The following ADSL variants were observed in gnomAD, a reference collection of about 807,000 sequenced individuals.
The protein encoded by ADSL is adenylosuccinate lyase, also known as adenylosuccinase.
Under a neutral mutation model 62.1 loss-of-function variants are expected in ADSL, and 44 were observed. The observed-to-expected ratio is 0.71, with a 90% CI of 0.56 to 0.91. ADSL has a LOEUF of 0.91. ADSL is among the 40% of genes least tolerant of loss of function. The pLI is 0.00. For missense variants in ADSL, 531 were observed against 627.4 expected, an observed-to-expected ratio of 0.85 and a Z score of 1.64; for synonymous variants, 198 against 220.5, an observed-to-expected ratio of 0.90 and a Z score of 0.90.
At position 40,369,294 on chromosome 22, in the gene ADSL, C is replaced by T. The variant is rs2045112787; in HGVS notation, c.*2772C>T. ...CTCTTGTCTTCTTTCCTTTTCCATT[C>T]TCCTTTATTTTTGTATTTACATACT... On this transcript the variant is annotated 3_prime_UTR_variant, in exon 13 of 13. Transcript: ENST00000623063. 6.6e-6 allele frequency: 1 copy of T among 151,874 alleles called. No individual in the cohort carries two copies. Among genetic ancestry groups the T allele is most frequent in the Admixed American group, 6.6e-5 (1 of 15,220 alleles). 9.4% of individuals were successfully genotyped at this position (151,874 alleles called of 1,614,324 possible).
At chr22:40,373,170 A>G (rs367915009), downstream of ADSL, among the ~76,000 whole-genome samples, 5 of 152,314 alleles carry the variant, frequency 3.3e-5, no homozygotes, top group African/African-American at 1.2e-4. Context: ...GGTCACTGTA[A>G]GTGACAGGGC....
intron 2 of ADSL, among the ~76,000 whole-genome samples, chr22:40,351,713 T>G (rs1424853585): frequency 6.6e-6 from 1 of 152,102 alleles, no homozygotes; most frequent in East Asian, 1.9e-4. Context: ...CTCAAATGCT[T>G]TCTTATTTTT....
intron 11 of ADSL, 178 bp from the exon 12 acceptor site, chr22:40,364,702 A>T (rs1018691390): frequency 4.3e-5 from 30 of 695,730 alleles, no homozygotes; most frequent in Non-Finnish European, 7.5e-5. Flanking sequence ...GCTTGTCCTA[A>T]GATGTGGGCA....
chr22:40,363,145 G>A (rs143183891), intron 10 of ADSL, 74 bp downstream of exon 10: 23 of 1,393,336 alleles, frequency 1.7e-5, no homozygotes, highest in Non-Finnish European at 2.2e-5. Flanking sequence ...TCTGGGGTGT[G>A]TTGAGGGAGC....
At chr22:40,353,169 G>A (rs1199165214) in intron 3 of ADSL, 52 bp downstream of exon 3, 1 of 1,416,814 alleles carries the variant, frequency 7.1e-7, no homozygotes, top group South Asian at 1.1e-5. Context: ...TATGTTAGGA[G>A]ATAGGCACCA....
intron 7 of ADSL, chr22:40,360,969 G>A (rs1365206497): frequency 2.4e-6 from 1 of 414,618 alleles, no homozygotes; most frequent in Admixed American, 3.5e-5. Flanking sequence ...CCAAAATGCT[G>A]GGATTACAGG....
chr22:40,383,945 T>C (rs1265589849), intron 2 of ADSL, among the ~76,000 whole-genome samples: 2 of 152,136 alleles, frequency 1.3e-5, no homozygotes, highest in East Asian at 1.9e-4. Flanking sequence ...TGATTTGATA[T>C]GAGAGTAAAA....
intron 2 of ADSL, among the ~76,000 whole-genome samples, chr22:40,377,199 A>T (rs906181908): frequency 1.3e-5 from 2 of 152,258 alleles, no homozygotes; most frequent in Non-Finnish European, 2.9e-5. Flanking sequence ...TCCCTGACCA[A>T]CTAGGTGGTA....
rs957482456 is a variant in ADSL at position 40,364,748 on chromosome 22, G to A, written c.1192-132G>A. The A allele has an allele frequency of 5.2e-5, 49 of 935,388 alleles. No individual in the cohort carries two copies. The Middle Eastern group carries it at 7.4e-4, about 14-fold the overall frequency. 57.9% of individuals were successfully genotyped at this position (935,388 alleles called of 1,614,324 possible). Reference sequence around the variant, plus strand: ...AAGACCCTGGTACAGATAGACACAGGAACCACCTCAGCCTAGAGGGGTTTT... The same window carrying A: ...AAGACCCTGGTACAGATAGACACAGAAACCACCTCAGCCTAGAGGGGTTTT... On this transcript the variant is annotated intron_variant, in intron 11 of 12. Coordinates refer to ENST00000623063, the MANE Select transcript of ADSL (RefSeq NM_000026.4).
chr22:40,352,485 G>A (rs1305348168), intron 2 of ADSL, among the ~76,000 whole-genome samples: 3 of 151,980 alleles, frequency 2.0e-5, no homozygotes, highest in African/African-American at 4.8e-5. Context: ...CTGAGATCGC[G>A]CCACTGCACT....
At chr22:40,355,885 T>C (rs2044533565) in intron 4 of ADSL, among the ~76,000 whole-genome samples, 1 of 152,082 alleles carries the variant, frequency 6.6e-6, no homozygotes, top group Non-Finnish European at 1.5e-5. Context: ...GGTTAGGTTA[T>C]CTATTAGAAA....
chr22:40,359,366 A>G, intron 6 of ADSL, 60 bp downstream of exon 6: 1 of 1,533,832 alleles, frequency 6.5e-7, no homozygotes, highest in Non-Finnish European at 9.0e-7. Flanking sequence ...TATATTCAGT[A>G]TACCTGCAGA....
rs3788578 is a variant in ADSL at position 40,346,917 on chromosome 22, C to T, written c.153+206C>T. Among the ~76,000 whole-genome samples the T allele has an allele frequency of 0.21, 31,890 of 152,148 alleles. 3,811 individuals carry two copies. Among genetic ancestry groups the T allele is most frequent in the Admixed American group, 0.37 (5,694 of 15,278 alleles). ...CGCCACCTGTTGCCTCACGTGTTCTCAGTCCGAGAGGGTTCGAGACGCGGA... is the reference window on the plus strand; with the variant it reads ...CGCCACCTGTTGCCTCACGTGTTCTTAGTCCGAGAGGGTTCGAGACGCGGA... On this transcript the variant is annotated intron_variant, in intron 1 of 12. Coordinates refer to ENST00000623063, the MANE Select transcript of ADSL (RefSeq NM_000026.4).
At position 40,385,389 on chromosome 22, in the gene ADSL, G is replaced by T. The variant is rs140641673; in HGVS notation, c.90-4841G>T. ...GTTTTGTTTAATTCAGGGTTCAGGA[G>T]ATCTAAGTATTTGCAGTGGACACGA... is the stretch of plus-strand genomic sequence containing the variant. On this transcript the variant is annotated intron_variant, in intron 2 of 2. Coordinates refer to the ADSL transcript ENST00000498234. Among the ~76,000 whole-genome samples the T allele has an allele frequency of 3.6e-3, 545 of 152,294 alleles. 10 individuals carry two copies. In the Middle Eastern group the frequency reaches 0.041, roughly 11 times the overall value.
chr22:40,350,889 G>C (rs1160025885), intron 2 of ADSL, among the ~76,000 whole-genome samples: 1 of 152,090 alleles, frequency 6.6e-6, no homozygotes, highest in African/African-American at 2.4e-5. Context: ...CCAAAGTGCT[G>C]AGAGTGCTGA....
intron 12 of ADSL, 58 bp from the exon 13 acceptor site, chr22:40,366,378 T>G: frequency 8.0e-7 from 1 of 1,255,886 alleles, no homozygotes; most frequent in Non-Finnish European, 1.2e-6. Flanking sequence ...TTGGAAAAGG[T>G]ATTATCTGCT....
chr22:40,354,137 C>T, intron 3 of ADSL, 111 bp from the exon 4 acceptor site: 1 of 987,750 alleles, frequency 1.0e-6, no homozygotes. Flanking sequence ...TGCTGCCTTT[C>T]ATGAGTTAGC....
At chr22:40,357,827 G>A (rs912740006) in intron 4 of ADSL, among the ~76,000 whole-genome samples, 4 of 151,604 alleles carry the variant, frequency 2.6e-5, no homozygotes, top group Admixed American at 6.6e-5. Flanking sequence ...CGCCCAGTGC[G>A]GTGTCACAGT....
rs544804839 is a variant in ADSL at position 40,357,920 on chromosome 22, C to T, written c.483-944C>T. Among the ~76,000 whole-genome samples the T allele has an allele frequency of 5.9e-5, 9 of 152,042 alleles. No homozygotes were observed. In the South Asian group the frequency reaches 1.0e-3, roughly 18 times the overall value. Reference sequence around the variant, plus strand: ...CCAAGTAGCTGGGATTACAAACACCCGCCACCACGCCCAGTTAATTTTTTG... The same window carrying T: ...CCAAGTAGCTGGGATTACAAACACCTGCCACCACGCCCAGTTAATTTTTTG... On this transcript the variant is annotated intron_variant, in intron 4 of 12. Transcript: ENST00000623063.
Sources: allele counts gnomAD v4.1 joint callset (sites outside exome capture counted in the v4.1 genomes callset), GRCh38; gene constraint gnomAD v4.1.1; transcripts MANE v1.5; gene names NCBI Gene and HGNC (gene_info 2026-07-23, HGNC 2026-07-21).